The following VTI1A variants were observed in gnomAD, a reference collection of about 807,000 sequenced individuals.
VTI1A encodes the protein vesicle transport through interaction with t-SNAREs 1A.
A neutral mutation model predicts 34.9 loss-of-function variants in VTI1A; 22 were observed. The ratio of observed to expected loss-of-function variants is 0.63; its 90% CI spans 0.45 to 0.90. VTI1A has a LOEUF of 0.90. VTI1A is among the 40% of genes least tolerant of loss of function. VTI1A has a pLI of 0.00. For synonymous variants in VTI1A, 87 were observed against 97.3 expected, an observed-to-expected ratio of 0.89 and a Z score of 0.62; for missense variants, 268 against 275.6, an observed-to-expected ratio of 0.97 and a Z score of 0.20.
intron 7 of VTI1A, among the ~76,000 whole-genome samples, chr10:112,795,655 T>C (rs1163384799): frequency 1.3e-5 from 2 of 152,052 alleles, no homozygotes; most frequent in African/African-American, 4.8e-5. Context: ...CAGGCTAGTC[T>C]CTAACTCCTG....
chr10:112,464,244 C>T (rs1324789703), intron 2 of VTI1A, among the ~76,000 whole-genome samples: 1 of 152,228 alleles, frequency 6.6e-6, no homozygotes, highest in Non-Finnish European at 1.5e-5. Context: ...GTGATCCACC[C>T]ACCTTGGCCT....
chr10:112,667,895 A>T (rs1174706165), intron 5 of VTI1A, among the ~76,000 whole-genome samples: 1 of 152,184 alleles, frequency 6.6e-6, no homozygotes, highest in Non-Finnish European at 1.5e-5. Flanking sequence ...GCTAAATTCC[A>T]TGATGACAAA....
intron 7 of VTI1A, among the ~76,000 whole-genome samples, chr10:112,713,197 G>A (rs938074831): frequency 9.2e-5 from 14 of 152,044 alleles, no homozygotes; most frequent in African/African-American, 1.7e-4. Context: ...TGACCACCAC[G>A]ATGCATGCAC....
chr10:112,476,807 A>G (rs1848292467), intron 3 of VTI1A, among the ~76,000 whole-genome samples: 1 of 152,156 alleles, frequency 6.6e-6, no homozygotes, highest in African/African-American at 2.4e-5. Context: ...TTCTTTTTTC[A>G]TAAGTCTTCA....
At chr10:112,781,685 A>T (rs534945710) in intron 7 of VTI1A, among the ~76,000 whole-genome samples, 3 of 151,962 alleles carry the variant, frequency 2.0e-5, no homozygotes, top group Non-Finnish European at 2.9e-5. Flanking sequence ...TACTAAAAAA[A>T]CAAAAATTAG....
chr10:112,730,701 G>T (rs1564902943), intron 7 of VTI1A, among the ~76,000 whole-genome samples: 1 of 149,948 alleles, frequency 6.7e-6, no homozygotes, highest in African/African-American at 2.5e-5. Context: ...TTTCTTGTCA[G>T]CAGTTTATTC....
upstream of VTI1A, chr10:112,447,189 A>G: frequency 1.7e-6 from 1 of 584,940 alleles, no homozygotes; most frequent in Non-Finnish European, 3.0e-6. Flanking sequence ...CACGCAACCC[A>G]ATTTCCGGAG....
chr10:112,646,115 C>T (rs943338932), intron 5 of VTI1A, among the ~76,000 whole-genome samples: 1 of 151,946 alleles, frequency 6.6e-6, no homozygotes, highest in African/African-American at 2.4e-5. Flanking sequence ...ACATTTTTTA[C>T]CTACAAATTT....
At chr10:112,491,940 A>G (rs1848838222) in intron 3 of VTI1A, among the ~76,000 whole-genome samples, 1 of 152,076 alleles carries the variant, frequency 6.6e-6, no homozygotes, top group Non-Finnish European at 1.5e-5. Flanking sequence ...CATTAGAATC[A>G]CCTGCAGAGC....
intron 5 of VTI1A, among the ~76,000 whole-genome samples, chr10:112,630,281 T>C (rs926482123): frequency 6.6e-6 from 1 of 152,202 alleles, no homozygotes; most frequent in Non-Finnish European, 1.5e-5. Flanking sequence ...ATCCTCACTC[T>C]GAAATTCTTT....
intron 3 of VTI1A, among the ~76,000 whole-genome samples, chr10:112,509,213 A>C (rs1422488026): frequency 6.6e-6 from 1 of 152,178 alleles, no homozygotes; most frequent in Non-Finnish European, 1.5e-5. Context: ...TTGCTGTTTT[A>C]TTAACTTTAT....
chr10:112,709,920 A>G (rs755764734), intron 7 of VTI1A, among the ~76,000 whole-genome samples: 27 of 147,024 alleles, frequency 1.8e-4, no homozygotes, highest in Non-Finnish European at 7.5e-5. Context: ...CGAACTCCTG[A>G]GCTCAAGCAA....
chr10:112,821,660 G>A (rs1414809522), downstream of VTI1A, among the ~76,000 whole-genome samples: 3 of 152,122 alleles, frequency 2.0e-5, no homozygotes, highest in Admixed American at 2.0e-4. Flanking sequence ...ACATTTTCGC[G>A]TTACTCTCCC....
chr10:112,741,679 G>A (rs1167813933), intron 7 of VTI1A, among the ~76,000 whole-genome samples: 4 of 152,096 alleles, frequency 2.6e-5, no homozygotes, highest in Non-Finnish European at 5.9e-5. Context: ...GTATTTGAAG[G>A]TGAGTTTTTA....
At chr10:112,717,896 A>G (rs913447779) in intron 7 of VTI1A, among the ~76,000 whole-genome samples, 4 of 152,160 alleles carry the variant, frequency 2.6e-5, no homozygotes, top group Non-Finnish European at 5.9e-5. Context: ...CCCGAAGAAC[A>G]TTTTCATCCA....
intron 5 of VTI1A, among the ~76,000 whole-genome samples, chr10:112,582,601 G>T (rs12254159): frequency 0.1 from 15,733 of 152,074 alleles, 1,042 homozygotes; most frequent in African/African-American, 0.18. Flanking sequence ...TTAAAGACTT[G>T]TGGTCCAAGA....
In VTI1A at chr10:112,805,278, T is replaced by C. The variant is rs60062104; in HGVS notation, c.561-10012T>C. Among the ~76,000 whole-genome samples the C allele has an allele frequency of 7.0e-3, 1,067 of 152,294 alleles. 8 individuals are homozygous for C. Among genetic ancestry groups the C allele is most frequent in the African/African-American group, 0.024 (1,006 of 41,560 alleles). On this transcript the variant is annotated intron_variant, in intron 7 of 7. Coordinates refer to ENST00000393077, the MANE Select transcript of VTI1A (RefSeq NM_145206.4). Reference sequence around the variant, plus strand: ...ATAATAGTTGTACATTTTTAAATGGTTGAAAAAAACTCAAAAGAAGAATTT... The same window carrying C: ...ATAATAGTTGTACATTTTTAAATGGCTGAAAAAAACTCAAAAGAAGAATTT...
chr10:112,763,453 A>G (rs1313017494), intron 7 of VTI1A, among the ~76,000 whole-genome samples: 2 of 151,732 alleles, frequency 1.3e-5, no homozygotes, highest in East Asian at 1.9e-4. Flanking sequence ...AAAAAAAAAA[A>G]AGGTACCACT....
intron 3 of VTI1A, among the ~76,000 whole-genome samples, chr10:112,493,125 G>C (rs554978213): frequency 4.6e-5 from 7 of 152,254 alleles, no homozygotes; most frequent in African/African-American, 1.7e-4. Flanking sequence ...CATTTAGTTA[G>C]ATTTTCTTTA....
Sources: allele counts gnomAD v4.1 joint callset (sites outside exome capture counted in the v4.1 genomes callset), GRCh38; gene constraint gnomAD v4.1.1; transcripts MANE v1.5; gene names NCBI Gene and HGNC (gene_info 2026-07-23, HGNC 2026-07-21).